The following DGKB variants were observed in gnomAD, a reference collection of about 807,000 sequenced individuals.
The protein encoded by DGKB is diacylglycerol kinase beta.
Under a neutral mutation model 114.3 loss-of-function variants are expected in DGKB, and 67 were observed. The ratio of observed to expected loss-of-function variants is 0.59; its 90% CI spans 0.48 to 0.72. DGKB has a LOEUF of 0.72. Ranked by LOEUF, DGKB falls within the 30% of genes least tolerant of loss-of-function variation. The pLI is 0.00. For missense variants in DGKB, 907 were observed against 975.2 expected (o/e 0.93, Z 0.93); for synonymous variants, 398 against 323.1 (o/e 1.23, Z -2.49).
At chr7:14,844,240 C>A (rs1234072237) in intron 1 of DGKB, among the ~76,000 whole-genome samples, 3 of 152,188 alleles carry the variant, frequency 2.0e-5, no homozygotes, top group Admixed American at 6.5e-5. Flanking sequence ...CTCCACCTTA[C>A]CACCTGAAAT....
At chr7:14,595,369 A>C (rs911834717) in intron 17 of DGKB, among the ~76,000 whole-genome samples, 1 of 151,926 alleles carries the variant, frequency 6.6e-6, no homozygotes, top group Non-Finnish European at 1.5e-5. Context: ...AAGGGAGAAA[A>C]CTAGTTTAGT....
chr7:14,691,696 A>C (rs1822896780), intron 9 of DGKB, among the ~76,000 whole-genome samples: 1 of 152,098 alleles, frequency 6.6e-6, no homozygotes, highest in Admixed American at 6.5e-5. Context: ...TTTTTCACAA[A>C]AATGAAAGAA....
At position 14,239,973 on chromosome 7, in the gene DGKB, G is replaced by T. The variant is rs749416817; in HGVS notation, c.2123-61822C>A. On this transcript the variant is annotated intron_variant, in intron 23 of 25. Transcript: ENST00000402815. The stretch of plus-strand genomic sequence containing the variant: ...ATACTTTAGGTCTTATTTTTGACAT[G>T]AAGAAAAAATTAAAAATAATTTGAT... 1.3e-3 allele frequency among the ~76,000 whole-genome samples: 202 copies of T among 152,014 alleles called. 2 individuals carry two copies. The highest frequency in any genetic ancestry group is 2.7e-3 in the Non-Finnish European group (182 of 67,926).
chr7:14,469,622 A>G (rs1273381226), intron 21 of DGKB, among the ~76,000 whole-genome samples: 1 of 151,996 alleles, frequency 6.6e-6, no homozygotes, highest in Non-Finnish European at 1.5e-5. Context: ...ATGATGCAGG[A>G]AGCTTCAGGT....
intron 23 of DGKB, among the ~76,000 whole-genome samples, chr7:14,233,469 A>G (rs967096626): frequency 2.6e-5 from 4 of 152,050 alleles, no homozygotes; most frequent in Non-Finnish European, 4.4e-5. Flanking sequence ...TTGCAAGCGT[A>G]AAGTGGGTGT....
At chr7:14,383,393 G>T (rs1484463796) in intron 21 of DGKB, among the ~76,000 whole-genome samples, 1 of 152,160 alleles carries the variant, frequency 6.6e-6, no homozygotes, top group Non-Finnish European at 1.5e-5. Context: ...AATCAATTAT[G>T]ATCATATTTT....
intron 6 of DGKB, among the ~76,000 whole-genome samples, chr7:14,705,350 C>G (rs370305433): frequency 2.5e-4 from 37 of 148,448 alleles, no homozygotes; most frequent in Admixed American, 1.9e-3. Context: ...GATTGGTGTA[C>G]CTGAAAGTGA....
At chr7:14,557,696 C>G (rs1293759839) in intron 20 of DGKB, among the ~76,000 whole-genome samples, 1 of 151,542 alleles carries the variant, frequency 6.6e-6, no homozygotes, top group Non-Finnish European at 1.5e-5. Context: ...GTAAATAATA[C>G]TTTTTCCATT....
rs952863352 is a variant in DGKB at position 14,146,473 on chromosome 7, C to T, written c.*2658G>A. 1.3e-5 allele frequency: 2 copies of T among 152,168 alleles called. No individual in the cohort carries two copies. Among genetic ancestry groups the T allele is most frequent in the Non-Finnish European group, 2.9e-5 (2 of 68,034 alleles). The allele number at this position is 152,168 out of a possible 1,614,324, so 9.4% of individuals were successfully genotyped here. On this transcript the variant is annotated 3_prime_UTR_variant, in exon 26 of 26. Coordinates refer to ENST00000402815, the MANE Select transcript of DGKB (RefSeq NM_001350709.2). Reference sequence around the variant, plus strand: ...CTCAATAGCTGAAAATTTATCTGCACACATAGAAGAGAAGTTTCCATCTTG... The same window carrying T: ...CTCAATAGCTGAAAATTTATCTGCATACATAGAAGAGAAGTTTCCATCTTG...
intron 20 of DGKB, among the ~76,000 whole-genome samples, chr7:14,557,661 A>G (rs185350113): frequency 1.3e-4 from 20 of 152,146 alleles, no homozygotes; most frequent in Admixed American, 1.3e-3. Context: ...CTTTTGATAG[A>G]AAATCTTCAT....
At chr7:14,565,959 C>G (rs1482580852) in intron 20 of DGKB, among the ~76,000 whole-genome samples, 1 of 152,014 alleles carries the variant, frequency 6.6e-6, no homozygotes, top group African/African-American at 2.4e-5. Context: ...TGTTAACAGA[C>G]TATTGTCTAG....
chr7:14,788,037 G>A (rs577029132), intron 2 of DGKB, among the ~76,000 whole-genome samples: 1 of 152,358 alleles, frequency 6.6e-6, no homozygotes, highest in African/African-American at 2.4e-5. Flanking sequence ...GTAAAGACAA[G>A]GCCCGGGCCC....
chr7:14,610,920 T>C (rs2128790755), intron 16 of DGKB, among the ~76,000 whole-genome samples: 1 of 152,262 alleles, frequency 6.6e-6, no homozygotes, highest in South Asian at 2.1e-4. Flanking sequence ...GCCTTATCCA[T>C]GATGCAAAGT....
At chr7:14,928,176 G>A (rs1393022022) in intron 1 of DGKB, among the ~76,000 whole-genome samples, 1 of 151,906 alleles carries the variant, frequency 6.6e-6, no homozygotes, top group African/African-American at 2.4e-5. Context: ...GATATTTAAT[G>A]AGCAGATGTG....
chr7:14,611,610 A>T (rs1455794048), intron 16 of DGKB, among the ~76,000 whole-genome samples: 1 of 152,092 alleles, frequency 6.6e-6, no homozygotes, highest in East Asian at 1.9e-4. Context: ...TCAATGAATA[A>T]AGAACAAAAC....
chr7:14,569,268 A>G (rs1798031006), intron 20 of DGKB, among the ~76,000 whole-genome samples: 1 of 152,152 alleles, frequency 6.6e-6, no homozygotes, highest in African/African-American at 2.4e-5. Context: ...TATTATGCTC[A>G]GGTAAAGGAG....
At chr7:14,835,388 G>C (rs769500771) in intron 2 of DGKB, among the ~76,000 whole-genome samples, 1 of 152,084 alleles carries the variant, frequency 6.6e-6, no homozygotes, top group Non-Finnish European at 1.5e-5. Flanking sequence ...AATCAGCAAG[G>C]CAACTCCATG....
rs564491845 is a variant in DGKB at position 14,910,324 on chromosome 7, T to A, written c.-188+64372A>T. 9.4e-4 allele frequency among the ~76,000 whole-genome samples: 141 copies of A among 150,080 alleles called. 3 individuals are homozygous for A. Among genetic ancestry groups the A allele is most frequent in the Non-Finnish European group, 1.2e-3 (79 of 67,488 alleles). On this transcript the variant is annotated intron_variant, in intron 1 of 4. Coordinates refer to the DGKB transcript ENST00000437998. ...AAAGAAAGAAAGAAAGAACCTTATA[T>A]ATTAGGAGAAGGCAAAAAACAAAAC...
At chr7:14,571,748 C>T (rs537125103) in intron 20 of DGKB, among the ~76,000 whole-genome samples, 1 of 152,278 alleles carries the variant, frequency 6.6e-6, no homozygotes, top group Non-Finnish European at 1.5e-5. Context: ...TGAATGTATT[C>T]TTCAGTGACC....
Sources: allele counts gnomAD v4.1 joint callset (sites outside exome capture counted in the v4.1 genomes callset), GRCh38; gene constraint gnomAD v4.1.1; transcripts MANE v1.5; gene names NCBI Gene and HGNC (gene_info 2026-07-23, HGNC 2026-07-21).